Variants in FAM171A1 observed in about 807,000 individuals in gnomAD.
The protein encoded by FAM171A1 is protein FAM171A1.
FAM171A1 carries 23 observed loss-of-function variants against 74.9 expected under a neutral mutation model. That is an observed-to-expected ratio of 0.31 (90% CI 0.22 to 0.44). FAM171A1 has a LOEUF of 0.44. Ranked by LOEUF, FAM171A1 falls within the 20% of genes least tolerant of loss-of-function variation. The probability of loss-of-function intolerance (pLI) is 1.00; values close to 1 mark genes in which losing one functional copy is unlikely to be tolerated. For synonymous variants in FAM171A1, 527 were observed against 505.7 expected (o/e 1.04, Z -0.57); for missense variants, 1,162 against 1,159.2 (o/e 1.00, Z -0.03).
chr10:15,233,668 C>A (rs537401584), intron 5 of FAM171A1, among the ~76,000 whole-genome samples: 1 of 152,064 alleles, frequency 6.6e-6, no homozygotes, highest in East Asian at 1.9e-4. Flanking sequence ...CTTTGGGAGG[C>A]CGAGGTGGGT....
chr10:15,370,942 C>T lies in FAM171A1; in HGVS notation c.97+14G>A, dbSNP rs1836136808. 3 of 1,143,278 alleles carry T rather than the reference C, an allele frequency of 2.6e-6. No individual in the cohort carries two copies. The South Asian group carries it at 5.1e-5, about 20-fold the overall frequency. 70.8% of individuals were successfully genotyped at this position (1,143,278 alleles called of 1,614,324 possible). A position where few individuals can be genotyped will look rare whatever the true frequency, so the allele number is the denominator to read the frequency against. On this transcript the variant is annotated intron_variant, in intron 1 of 7. Transcript: ENST00000378116. Reference sequence around the variant, plus strand: ...CGCGACACAAAGCCCCCGGCCCCGCCGCCGCCCACTGACCTTGGGCTCCGG... The same window carrying T: ...CGCGACACAAAGCCCCCGGCCCCGCTGCCGCCCACTGACCTTGGGCTCCGG...
At chr10:15,277,276 C>T (rs534022234) in intron 2 of FAM171A1, among the ~76,000 whole-genome samples, 9 of 151,738 alleles carry the variant, frequency 5.9e-5, no homozygotes, top group East Asian at 3.9e-4. Context: ...GGAGTGCAAT[C>T]GCGTGATCTT....
intron 1 of FAM171A1, among the ~76,000 whole-genome samples, chr10:15,351,361 G>A (rs763707490): frequency 1.8e-4 from 28 of 152,090 alleles, no homozygotes; most frequent in Non-Finnish European, 3.8e-4. Context: ...GGTCGCGTGT[G>A]GGATGAACAC....
chr10:15,292,919 A>G (rs1835119485), intron 1 of FAM171A1, among the ~76,000 whole-genome samples: 1 of 152,040 alleles, frequency 6.6e-6, no homozygotes, highest in Non-Finnish European at 1.5e-5. Context: ...TTTTTTGATT[A>G]CCTAAAAACA....
chr10:15,322,547 G>A (rs1033698447), intron 1 of FAM171A1, among the ~76,000 whole-genome samples: 1 of 152,200 alleles, frequency 6.6e-6, no homozygotes, highest in Non-Finnish European at 1.5e-5. Flanking sequence ...CATGCATTCA[G>A]CTGCACTGAT....
intron 1 of FAM171A1, among the ~76,000 whole-genome samples, chr10:15,290,902 TG>T (rs1433526172): frequency 6.6e-6 from 1 of 152,156 alleles, no homozygotes; most frequent in Non-Finnish European, 1.5e-5. Context: ...ACCGCCGTTT[TG>T]TTTTGTTTAG....
intron 1 of FAM171A1, among the ~76,000 whole-genome samples, chr10:15,315,572 A>C (rs1180529377): frequency 1.3e-5 from 2 of 152,182 alleles, no homozygotes; most frequent in African/African-American, 4.8e-5. Context: ...CCTTATTCTA[A>C]CAGACTTAGC....
At chr10:15,296,414 G>C (rs1214669793) in intron 1 of FAM171A1, among the ~76,000 whole-genome samples, 1 of 152,040 alleles carries the variant, frequency 6.6e-6, no homozygotes, top group Non-Finnish European at 1.5e-5. Context: ...ATAAGAATCT[G>C]TTACAACTTG....
chr10:15,230,964 G>A (rs939481166), intron 5 of FAM171A1, among the ~76,000 whole-genome samples: 1 of 152,192 alleles, frequency 6.6e-6, no homozygotes, highest in Non-Finnish European at 1.5e-5. Flanking sequence ...GGGACTGGGT[G>A]GGGAGCACAC....
chr10:15,265,165 T>A (rs1210468373), intron 3 of FAM171A1, among the ~76,000 whole-genome samples: 1 of 152,180 alleles, frequency 6.6e-6, no homozygotes, highest in African/African-American at 2.4e-5. Flanking sequence ...ACTACCTGAA[T>A]GTCTTACTCC....
chr10:15,261,777 G>C (rs1457833134), intron 3 of FAM171A1, among the ~76,000 whole-genome samples: 1 of 152,116 alleles, frequency 6.6e-6, no homozygotes, highest in Admixed American at 6.5e-5. Context: ...GCTACGTGGG[G>C]TCCAGGGGCA....
At chr10:15,319,684 T>C (rs981500979) in intron 1 of FAM171A1, among the ~76,000 whole-genome samples, 1 of 152,130 alleles carries the variant, frequency 6.6e-6, no homozygotes, top group African/African-American at 2.4e-5. Context: ...CTGCCCACCT[T>C]GGCCTCCCAA....
intron 4 of FAM171A1, among the ~76,000 whole-genome samples, chr10:15,253,647 C>G (rs182327197): frequency 6.6e-6 from 1 of 152,122 alleles, no homozygotes; most frequent in African/African-American, 2.4e-5. Flanking sequence ...ATGTAAAGCA[C>G]TGGAAAATTA....
intron 3 of FAM171A1, among the ~76,000 whole-genome samples, chr10:15,255,392 C>G (rs1311208046): frequency 6.6e-6 from 1 of 152,124 alleles, no homozygotes; most frequent in Non-Finnish European, 1.5e-5. Context: ...CAAACAATAC[C>G]CCAGCGGCAA....
intron 5 of FAM171A1, among the ~76,000 whole-genome samples, chr10:15,244,679 C>T (rs1249526235): frequency 1.3e-5 from 2 of 152,104 alleles, no homozygotes; most frequent in African/African-American, 4.8e-5. Flanking sequence ...GTAACTGGTA[C>T]CCACACAGAC....
At chr10:15,233,521 GGTGTGTGTGTGTGT>G (rs61637156) in intron 5 of FAM171A1, among the ~76,000 whole-genome samples, 2 of 145,282 alleles carry the variant, frequency 1.4e-5, no homozygotes, top group African/African-American at 2.6e-5. Flanking sequence ...GTGTATTCAG[GGTGTGTGTGTGTGT>G]GTGTGTGTGT....
chr10:15,335,207 G>T (rs1835686338), intron 1 of FAM171A1, among the ~76,000 whole-genome samples: 1 of 152,160 alleles, frequency 6.6e-6, no homozygotes, highest in Non-Finnish European at 1.5e-5. Flanking sequence ...TCATGCCACT[G>T]CATTCCAGCC....
intron 2 of FAM171A1, among the ~76,000 whole-genome samples, chr10:15,280,532 G>C (rs1202773710): frequency 6.6e-6 from 1 of 152,116 alleles, no homozygotes; most frequent in Non-Finnish European, 1.5e-5. Flanking sequence ...GCCTGCCACG[G>C]GTGGAGGGTG....
At chr10:15,364,744 TTTCTGGC>T (rs1836038560) in intron 1 of FAM171A1, among the ~76,000 whole-genome samples, 1 of 152,206 alleles carries the variant, frequency 6.6e-6, no homozygotes, top group South Asian at 2.1e-4. Context: ...TTCCTTGCCT[TTTCTGGC>T]TTCTAGAAGC....
Sources: allele counts gnomAD v4.1 joint callset (sites outside exome capture counted in the v4.1 genomes callset), GRCh38; gene constraint gnomAD v4.1.1; transcripts MANE v1.5; gene names NCBI Gene and HGNC (gene_info 2026-07-23, HGNC 2026-07-21).